The following DEFB108B variants were observed in gnomAD, a reference collection of about 807,000 sequenced individuals.
The protein encoded by DEFB108B is defensin beta 108B.
In DEFB108B, 3 loss-of-function variants were observed where a neutral mutation model predicts 2.4. That is an observed-to-expected ratio of 1.25 (90% CI 0.57 to 3.24). DEFB108B has a LOEUF of 3.24. Ranked by LOEUF, DEFB108B falls within the 30% of genes most tolerant of loss-of-function variation. The pLI, the probability that DEFB108B is intolerant of heterozygous loss-of-function variation, is 0.03. For synonymous variants in DEFB108B, 25 were observed against 28.7 expected (o/e 0.87, Z 0.41); for missense variants, 101 against 87.8 (o/e 1.15, Z -0.60).
intron 1 of DEFB108B, among the ~76,000 whole-genome samples, chr11:71,836,798 T>C (rs1442152104): frequency 6.6e-6 from 1 of 152,208 alleles, no homozygotes; most frequent in Non-Finnish European, 1.5e-5. Flanking sequence ...ACAGATATAT[T>C]TGTGTATTAA....
chr11:71,833,764 C>T (rs1407011271), intron 1 of DEFB108B, among the ~76,000 whole-genome samples: 1 of 152,214 alleles, frequency 6.6e-6, no homozygotes, highest in Non-Finnish European at 1.5e-5. Context: ...CCTTAAGGCT[C>T]CATCTCCATC....
chr11:71,837,038 C>A, intron 1 of DEFB108B: 1 of 212,820 alleles, frequency 4.7e-6, no homozygotes. Context: ...ATCCATAGTG[C>A]AAGACATTAA....
intron 1 of DEFB108B, among the ~76,000 whole-genome samples, chr11:71,834,197 C>T (rs1207393347): frequency 3.3e-5 from 5 of 152,094 alleles, no homozygotes; most frequent in Non-Finnish European, 5.9e-5. Flanking sequence ...TCTGTTGTGC[C>T]GTTCCTTTGT....
chr11:71,834,825 T>C (rs2121251612), intron 1 of DEFB108B: 1 of 152,346 alleles, frequency 6.6e-6, no homozygotes. Context: ...AGCAAGTTTC[T>C]TTCTTTCCGT....
In DEFB108B at chr11:71,836,800, G is replaced by A. The variant is rs138508288; in HGVS notation, c.59-599G>A. On this transcript the variant is annotated intron_variant, in intron 1 of 1. Coordinates refer to ENST00000328698, the MANE Select transcript of DEFB108B (RefSeq NM_001002035.2). Reference sequence around the variant, plus strand: ...AACAAGTACTGGCACAGATATATTTGTGTATTAAACACATAGGAATATTGT... The same window carrying A: ...AACAAGTACTGGCACAGATATATTTATGTATTAAACACATAGGAATATTGT... Among the ~76,000 whole-genome samples the A allele has an allele frequency of 6.9e-3, 1,048 of 152,288 alleles. 13 individuals are homozygous for A. The highest frequency in any genetic ancestry group is 0.022 in the African/African-American group (897 of 41,556).
intron 1 of DEFB108B, 106 bp downstream of exon 1, chr11:71,833,363 G>A (rs1952192898): frequency 2.0e-6 from 3 of 1,517,016 alleles, no homozygotes; most frequent in East Asian, 2.3e-5. Context: ...GGTCTCATAG[G>A]AAATCTGGAA....
intron 1 of DEFB108B, among the ~76,000 whole-genome samples, chr11:71,834,429 CA>C (rs1161987852): frequency 1.3e-5 from 2 of 152,106 alleles, no homozygotes; most frequent in Non-Finnish European, 2.9e-5. Flanking sequence ...CCCAGAAAAT[CA>C]ATGCTTTTAA....
chr11:71,837,322 C>T (rs1252027818), intron 1 of DEFB108B, 77 bp from the exon 2 acceptor site: 5 of 1,530,926 alleles, frequency 3.3e-6, no homozygotes, highest in African/African-American at 1.4e-5. Flanking sequence ...TCAAGCACTG[C>T]CCCCTACATC....
chr11:71,837,265 A>ATC (rs1952227535), intron 1 of DEFB108B, 134 bp from the exon 2 acceptor site: 3 of 1,048,092 alleles, frequency 2.9e-6, no homozygotes, highest in African/African-American at 1.8e-5. Flanking sequence ...AAGAAATCAA[A>ATC]TCACACACAC....
At chr11:71,835,535 C>T (rs1952210816) in intron 1 of DEFB108B, among the ~76,000 whole-genome samples, 2 of 152,124 alleles carry the variant, frequency 1.3e-5, no homozygotes, top group Admixed American at 1.3e-4. Context: ...GTGAATACCA[C>T]TGTGATGAAC....
chr11:71,834,692 G>A (rs1211047010), intron 1 of DEFB108B: 1 of 152,224 alleles, frequency 6.6e-6, no homozygotes, highest in African/African-American at 2.4e-5. Flanking sequence ...ACTTTTTGTA[G>A]AAGGCTAGAG....
At chr11:71,835,938 G>A (rs149917751) in intron 1 of DEFB108B, among the ~76,000 whole-genome samples, 4,290 of 152,230 alleles carry the variant, frequency 0.028, 185 homozygotes, top group African/African-American at 0.099. Flanking sequence ...AACACCACCC[G>A]TAGTAGAATG....
chr11:71,836,330 G>A (rs1349290203), intron 1 of DEFB108B, among the ~76,000 whole-genome samples: 1 of 152,144 alleles, frequency 6.6e-6, no homozygotes, highest in Non-Finnish European at 1.5e-5. Flanking sequence ...CCACTGAAAA[G>A]TTAAATGGAA....
chr11:71,835,515 C>A (rs547978143), intron 1 of DEFB108B, among the ~76,000 whole-genome samples: 3 of 152,230 alleles, frequency 2.0e-5, no homozygotes, highest in Non-Finnish European at 4.4e-5. Context: ...GATTCCATAC[C>A]TTTGCTACTG....
At position 71,837,420 on chromosome 11, in the gene DEFB108B, T is replaced by C. The variant is rs780949189; in HGVS notation, c.80T>C (p.Ile27Thr). The C allele has an allele frequency of 3.1e-6, 5 of 1,611,636 alleles. No individual in the cohort carries two copies. In the South Asian group the frequency reaches 3.3e-5, roughly 11 times the overall value. The change falls in exon 2 of 2, where the codon ATC (isoleucine) becomes ACC (threonine). Residue 27 changes from isoleucine to threonine, a missense_variant. By Grantham distance (89) the Ile-to-Thr change is moderately conservative. Transcript: ENST00000328698. ...VLPARGKFKE[I>T]CERPNGSCRD... ...GTAGCCAGGGGCAAATTCAAGGAGA[T>C]CTGTGAACGTCCAAATGGCTCCTGT...
intron 1 of DEFB108B, 111 bp from the exon 2 acceptor site, chr11:71,837,288 A>C: frequency 1.5e-6 from 2 of 1,347,574 alleles, no homozygotes; most frequent in Admixed American, 3.6e-5. Context: ...ACACACACAC[A>C]CACAAATCCA....
At position 71,837,519 on chromosome 11, in the gene DEFB108B, G is replaced by A. The variant is rs201854901; in HGVS notation, c.179G>A (p.Gly60Glu). The change falls in exon 2 of 2, where the codon GGG (glycine) becomes GAG (glutamate). Residue 60 changes from glycine to glutamate, a missense_variant. Coordinates refer to ENST00000328698, the MANE Select transcript of DEFB108B (RefSeq NM_001002035.2). The part of the protein sequence containing the change: ...LNSQPCCLPL[G>E]HQPRIESTTP... ...AGCCAACCCTGCTGCCTGCCTCTGG[G>A]GCATCAACCAAGAATTGAGAGCACT... The A allele has an allele frequency of 4.3e-6, 7 of 1,611,852 alleles. No individual in the cohort carries two copies. In the East Asian group the frequency reaches 1.1e-4, roughly 26 times the overall value.
intron 1 of DEFB108B, among the ~76,000 whole-genome samples, chr11:71,835,315 C>G (rs377551850): frequency 2.0e-5 from 3 of 152,086 alleles, no homozygotes; most frequent in African/African-American, 4.8e-5. Flanking sequence ...CTCGGCCCCC[C>G]CTTATAACTG....
intron 1 of DEFB108B, among the ~76,000 whole-genome samples, chr11:71,836,700 A>G (rs2121256608): frequency 6.6e-6 from 1 of 152,338 alleles, no homozygotes; most frequent in East Asian, 1.9e-4. Flanking sequence ...AATATATGCA[A>G]TGGTTTCTAG....
Sources: gnomAD v4.1 joint callset for allele counts (sites outside exome capture counted in the v4.1 genomes callset) on GRCh38, gnomAD v4.1.1 for gene constraint, MANE v1.5 for transcripts, NCBI Gene and HGNC (gene_info 2026-07-23, HGNC 2026-07-21) for gene names.